SYT1: variants seen among roughly 807,000 people sequenced by gnomAD.
SYT1 encodes the protein synaptotagmin 1.
SYT1 carries 8 observed loss-of-function variants against 44.8 expected under a neutral mutation model. The observed-to-expected ratio is 0.18, with a 90% confidence interval of 0.10 to 0.32. SYT1 has a LOEUF of 0.32. Ranked by LOEUF, SYT1 falls within the 10% of genes least tolerant of loss-of-function variation. The probability of loss-of-function intolerance (pLI) is 1.00; values close to 1 mark genes in which losing one functional copy is unlikely to be tolerated. For synonymous variants in SYT1, 154 were observed against 188.8 expected (o/e 0.82, Z 1.51); for missense variants, 286 against 509.3 (o/e 0.56, Z 4.22).
rs116254477 is a variant in SYT1 at position 79,210,097 on chromosome 12, A to G, written c.-17-7406A>G. 8.9e-3 allele frequency among the ~76,000 whole-genome samples: 1,360 copies of G among 152,300 alleles called. 19 individuals carry two copies. The highest frequency in any genetic ancestry group is 0.031 in the African/African-American group (1,286 of 41,560). ...ACTATCTTACTATGTAATCTGAGAAATCTATATTAATTTGTAGATCTAGAG... is the reference window on the plus strand; with the variant it reads ...ACTATCTTACTATGTAATCTGAGAAGTCTATATTAATTTGTAGATCTAGAG... On this transcript the variant is annotated intron_variant, in intron 3 of 10. Transcript: ENST00000261205.
chr12:79,014,122 CAAAAAAAAAAAAAA>C (rs1358787041), intron 2 of SYT1, among the ~76,000 whole-genome samples: 1 of 39,740 alleles, frequency 2.5e-5, no homozygotes, highest in Admixed American at 3.1e-4. Context: ...AGACTCTCTC[CAAAAAAAAAAAAAA>C]AAGAAAAAAA....
At chr12:79,095,856 G>A (rs1878092234) in intron 3 of SYT1, among the ~76,000 whole-genome samples, 1 of 151,826 alleles carries the variant, frequency 6.6e-6, no homozygotes, top group South Asian at 2.1e-4. Context: ...AAAACCAACT[G>A]ACAAGAGACA....
At chr12:79,109,814 A>C (rs975036527) in intron 3 of SYT1, among the ~76,000 whole-genome samples, 1 of 152,182 alleles carries the variant, frequency 6.6e-6, no homozygotes, top group Non-Finnish European at 1.5e-5. Flanking sequence ...ATTGCAGACT[A>C]ACCTATTAAT....
At chr12:79,209,965 C>G (rs2138530309) in intron 3 of SYT1, among the ~76,000 whole-genome samples, 1 of 152,202 alleles carries the variant, frequency 6.6e-6, no homozygotes. Flanking sequence ...TCGACCTCCT[C>G]CTGTATGTGC....
chr12:79,285,745 C>G, intron 4 of SYT1, 42 bp from the exon 5 acceptor site: 1 of 1,468,668 alleles, frequency 6.8e-7, no homozygotes, highest in South Asian at 1.2e-5. Context: ...TTTTCCACAT[C>G]TAAGTGTTGT....
At chr12:79,328,420 AC>A in intron 8 of SYT1, among the ~76,000 whole-genome samples, 1 of 152,182 alleles carries the variant, frequency 6.6e-6, no homozygotes, top group South Asian at 2.1e-4. Flanking sequence ...ATCCTTTTTT[AC>A]CCCACCACAA....
chr12:78,903,433 C>T (rs751109348), intron 1 of SYT1, among the ~76,000 whole-genome samples: 4 of 151,786 alleles, frequency 2.6e-5, no homozygotes, highest in African/African-American at 4.8e-5. Flanking sequence ...ATTACAGGCA[C>T]GCACCACCAT....
intron 9 of SYT1, among the ~76,000 whole-genome samples, chr12:79,424,953 C>CTTTTTTTTTTTTTTTTTTT (rs398040025): frequency 1.2e-4 from 10 of 85,230 alleles, no homozygotes; most frequent in African/African-American, 2.3e-4. Context: ...TTTTCTTCTT[C>CTTTTTTTTTTTTTTTTTTT]TTTTTTTTTT....
In SYT1 at chr12:79,451,647, A is replaced by G. The variant is rs555968648; in HGVS notation, c.*2523A>G. On this transcript the variant is annotated 3_prime_UTR_variant, in exon 11 of 11. Transcript: ENST00000261205. ...ACAAGTCAGTGATGGAACCTGCTTT[A>G]TGACCAAGATTCATCCTCAAATAAG... 1 of 152,344 alleles carries G rather than the reference A, an allele frequency of 6.6e-6. No individual in the cohort carries two copies. The allele number at this position is 152,344 out of a possible 1,614,324, so 9.4% of individuals were successfully genotyped here. A position where few individuals can be genotyped will look rare whatever the true frequency, so the allele number is the denominator to read the frequency against.
chr12:78,973,332 C>T (rs1868509858), intron 1 of SYT1, among the ~76,000 whole-genome samples: 1 of 152,098 alleles, frequency 6.6e-6, no homozygotes, highest in Non-Finnish European at 1.5e-5. Context: ...CCATGTTGTA[C>T]AGTAGATCTC....
intron 3 of SYT1, among the ~76,000 whole-genome samples, chr12:79,133,212 G>A (rs1200194470): frequency 2.0e-5 from 3 of 152,028 alleles, no homozygotes; most frequent in African/African-American, 7.2e-5. Flanking sequence ...ATTGTGTGTT[G>A]TATATTTCAA....
chr12:79,055,431 T>C (rs1353280516), intron 3 of SYT1, among the ~76,000 whole-genome samples: 1 of 152,050 alleles, frequency 6.6e-6, no homozygotes, highest in Non-Finnish European at 1.5e-5. Flanking sequence ...CCAAAGTTAA[T>C]AAGACTTTAA....
At chr12:79,308,617 AAAG>A (rs1565901516) in intron 8 of SYT1, among the ~76,000 whole-genome samples, 20 of 22,916 alleles carry the variant, frequency 8.7e-4, no homozygotes, top group African/African-American at 3.1e-3. Context: ...AAAGAAAAAG[AAAG>A]AAAGAAAGAA....
At chr12:79,205,482 C>G (rs74107346) in intron 3 of SYT1, among the ~76,000 whole-genome samples, 1 of 151,932 alleles carries the variant, frequency 6.6e-6, no homozygotes, top group Non-Finnish European at 1.5e-5. Flanking sequence ...GAAATGAATG[C>G]GTAATAAGTG....
chr12:79,115,283 AAAGAG>A (rs575576412), intron 3 of SYT1, among the ~76,000 whole-genome samples: 3 of 152,184 alleles, frequency 2.0e-5, no homozygotes, highest in Admixed American at 6.5e-5. Flanking sequence ...GAAACTATCT[AAAGAG>A]AAGATTCAAC....
chr12:79,274,178 A>G (rs1477839713), intron 4 of SYT1, among the ~76,000 whole-genome samples: 1 of 152,240 alleles, frequency 6.6e-6, no homozygotes, highest in Admixed American at 6.5e-5. Flanking sequence ...GCTAAGCACA[A>G]GTGGGAAGTG....
intron 3 of SYT1, among the ~76,000 whole-genome samples, chr12:79,100,122 A>G (rs1878360241): frequency 2.0e-5 from 3 of 152,158 alleles, no homozygotes; most frequent in Admixed American, 1.3e-4. Context: ...AATAACGAAC[A>G]TTTGGAGTGC....
intron 4 of SYT1, among the ~76,000 whole-genome samples, chr12:79,220,064 T>C (rs900312145): frequency 1.3e-5 from 2 of 152,024 alleles, no homozygotes; most frequent in Admixed American, 1.3e-4. Context: ...TCTTCACTTA[T>C]GGGAGATTTT....
intron 1 of SYT1, among the ~76,000 whole-genome samples, chr12:78,966,444 TAGAC>T (rs1879779446): frequency 6.6e-6 from 1 of 152,184 alleles, no homozygotes; most frequent in Non-Finnish European, 1.5e-5. Flanking sequence ...ACACTGACTT[TAGAC>T]AGACAATTCC....
Sources: allele counts gnomAD v4.1 joint callset (sites outside exome capture counted in the v4.1 genomes callset), GRCh38; gene constraint gnomAD v4.1.1; transcripts MANE v1.5; gene names NCBI Gene and HGNC (gene_info 2026-07-23, HGNC 2026-07-21).